The following PCDHA1 variants were observed in gnomAD, a reference collection of about 807,000 sequenced individuals.
PCDHA1 encodes protocadherin alpha 1.
In PCDHA1, 42 loss-of-function variants were observed where a neutral mutation model predicts 61.3. The ratio of observed to expected loss-of-function variants is 0.69; its 90% CI spans 0.54 to 0.89. PCDHA1 has a LOEUF of 0.89. Among genes scored for constraint, PCDHA1 ranks in the 40% least tolerant of loss-of-function variants. The pLI is 0.00. For missense variants in PCDHA1, 1,256 were observed against 1,235.3 expected (o/e 1.02, Z -0.25); for synonymous variants, 610 against 553.8 (o/e 1.10, Z -1.43).
At chr5:140,821,010 C>T (rs1020612182) in intron 1 of PCDHA1, among the ~76,000 whole-genome samples, 1 of 151,734 alleles carries the variant, frequency 6.6e-6, no homozygotes, top group African/African-American at 2.4e-5. Context: ...AGGTTTTCAT[C>T]GATTTGAAAA....
At chr5:140,827,274 G>A (rs1444530469) in intron 1 of PCDHA1, among the ~76,000 whole-genome samples, 2 of 152,192 alleles carry the variant, frequency 1.3e-5, no homozygotes, top group Admixed American at 6.5e-5. Context: ...TTTAGGAACA[G>A]CTGAAGAATC....
At chr5:140,790,923 T>C (rs1581603541) in intron 1 of PCDHA1, among the ~76,000 whole-genome samples, 1 of 152,250 alleles carries the variant, frequency 6.6e-6, no homozygotes, top group Admixed American at 6.5e-5. Flanking sequence ...GAGGAAAAAA[T>C]GATTGTGGAG....
At chr5:140,882,282 G>A in intron 1 of PCDHA1, 3 of 1,612,830 alleles carry the variant, frequency 1.9e-6, no homozygotes, top group Non-Finnish European at 2.5e-6. Context: ...CTGTCTTCCT[G>A]GCAAGGAGGC....
chr5:140,826,267 G>A (rs1263304586), intron 1 of PCDHA1, among the ~76,000 whole-genome samples: 1 of 152,096 alleles, frequency 6.6e-6, no homozygotes, highest in Non-Finnish European at 1.5e-5. Flanking sequence ...AAGTCTTTAT[G>A]TATATTTTGT....
chr5:140,955,676 C>T (rs374545278), intron 1 of PCDHA1, among the ~76,000 whole-genome samples: 40 of 152,096 alleles, frequency 2.6e-4, no homozygotes, highest in African/African-American at 8.7e-4. Context: ...ATAGTTTTTT[C>T]GAAATCTGTG....
At chr5:140,844,971 G>A (rs2150375443) in intron 1 of PCDHA1, among the ~76,000 whole-genome samples, 3 of 149,220 alleles carry the variant, frequency 2.0e-5, no homozygotes, top group Admixed American at 6.7e-5. Context: ...TTTGTTATTA[G>A]TATTGTTTTA....
chr5:140,794,327 C>A (rs1581610063), intron 1 of PCDHA1, among the ~76,000 whole-genome samples: 1 of 152,204 alleles, frequency 6.6e-6, no homozygotes, highest in African/African-American at 2.4e-5. Flanking sequence ...TAAATCTTGT[C>A]ACATGCTACA....
chr5:141,007,037 T>C (rs1413139986), intron 3 of PCDHA1, among the ~76,000 whole-genome samples: 1 of 152,170 alleles, frequency 6.6e-6, no homozygotes, highest in Non-Finnish European at 1.5e-5. Flanking sequence ...TTTATATCTA[T>C]GGATATGGCT....
intron 1 of PCDHA1, chr5:140,824,899 A>C (rs2150137635): frequency 1.3e-5 from 2 of 152,270 alleles, no homozygotes; most frequent in East Asian, 3.9e-4. Context: ...AACTTTGCCT[A>C]AGCAGTTCAC....
At chr5:140,918,241 G>C (rs1241592397) in intron 1 of PCDHA1, among the ~76,000 whole-genome samples, 4 of 152,162 alleles carry the variant, frequency 2.6e-5, no homozygotes, top group Admixed American at 1.3e-4. Flanking sequence ...CATTGATTTT[G>C]TATGCTGAAA....
At chr5:141,003,936 C>T (rs934368361) in intron 3 of PCDHA1, among the ~76,000 whole-genome samples, 41 of 152,122 alleles carry the variant, frequency 2.7e-4, no homozygotes, top group African/African-American at 9.9e-4. Context: ...TTGTCTTTGC[C>T]TGAGGGTGAG....
chr5:140,842,170 C>T (rs1360420045), intron 1 of PCDHA1: 2 of 1,613,662 alleles, frequency 1.2e-6, no homozygotes, highest in African/African-American at 2.7e-5. Context: ...CTTTTAATAG[C>T]CTTGTTGAAA....
At chr5:140,848,863 T>G (rs1581167323) in intron 1 of PCDHA1, 1 of 1,589,778 alleles carries the variant, frequency 6.3e-7, no homozygotes, top group African/African-American at 1.4e-5. Context: ...GACGTGGAGG[T>G]GAAGGACATT....
In PCDHA1 at chr5:140,882,349, T is replaced by G. The variant is rs782020720; in HGVS notation, c.2394+93665T>G. On this transcript the variant is annotated intron_variant, in intron 1 of 3. Transcript: ENST00000504120. ...TGATCCTCGCAGCCTGGGAGACGGG[T>G]AGTGGCCAGCTCCACTACTCCGTCC... 9 of 1,613,872 alleles carry G rather than the reference T, an allele frequency of 5.6e-6. No individual in the cohort carries two copies. The Admixed American group carries it at 1.3e-4, about 24-fold the overall frequency.
At position 140,847,877 on chromosome 5, in the gene PCDHA1, C is replaced by G. The variant is rs1305831915; in HGVS notation, c.2394+59193C>G. On this transcript the variant is annotated intron_variant, in intron 1 of 3. Coordinates refer to ENST00000504120, the MANE Select transcript of PCDHA1 (RefSeq NM_018900.4). ...TGTTGATTCCTTTTACCAGACATGA[C>G]TAAGTTTCTTTTTCATCAGTAGATT... 5 of 149,752 alleles carry G rather than the reference C, an allele frequency of 3.3e-5. 1 individual carries two copies. The highest frequency in any genetic ancestry group is 7.5e-5 in the Non-Finnish European group (5 of 66,994). 9.3% of individuals were successfully genotyped at this position (149,752 alleles called of 1,614,324 possible). A position where few individuals can be genotyped will look rare whatever the true frequency, so the allele number is the denominator to read the frequency against.
At chr5:140,827,761 A>G (rs1241454349) in intron 1 of PCDHA1, among the ~76,000 whole-genome samples, 2 of 152,264 alleles carry the variant, frequency 1.3e-5, no homozygotes, top group South Asian at 2.1e-4. Flanking sequence ...ACTTTAAATT[A>G]ATAAAAGAAG....
At chr5:140,932,124 A>G (rs2088056676) in intron 1 of PCDHA1, among the ~76,000 whole-genome samples, 1 of 151,956 alleles carries the variant, frequency 6.6e-6, no homozygotes, top group Admixed American at 6.5e-5. Flanking sequence ...GATAATATTT[A>G]AGATATAAAC....
chr5:140,904,139 A>G lies in PCDHA1; in HGVS notation c.2395-74810A>G, dbSNP rs557435150. On this transcript the variant is annotated intron_variant, in intron 1 of 3. Coordinates refer to ENST00000504120, the MANE Select transcript of PCDHA1 (RefSeq NM_018900.4). ...ATTTTGGTGCACCCATCACCCGAGCAGTATACATTGCACCCAGTTTGTAGT... is the reference window on the plus strand; with the variant it reads ...ATTTTGGTGCACCCATCACCCGAGCGGTATACATTGCACCCAGTTTGTAGT... Among the ~76,000 whole-genome samples, 4 of 152,286 alleles carry G rather than the reference A, an allele frequency of 2.6e-5. No homozygotes were observed. The East Asian group carries it at 7.7e-4, about 29-fold the overall frequency.
intron 1 of PCDHA1, among the ~76,000 whole-genome samples, chr5:140,845,743 T>C (rs2150214472): frequency 6.7e-6 from 1 of 149,754 alleles, no homozygotes; most frequent in East Asian, 1.9e-4. Flanking sequence ...ACTTTATAGA[T>C]TTATTTGTAT....
Sources: gnomAD v4.1 joint callset for allele counts (sites outside exome capture counted in the v4.1 genomes callset) on GRCh38, gnomAD v4.1.1 for gene constraint, MANE v1.5 for transcripts, NCBI Gene and HGNC (gene_info 2026-07-23, HGNC 2026-07-21) for gene names.